The following RNF215 variants were observed in gnomAD, a reference collection of about 807,000 sequenced individuals.
The protein encoded by RNF215 is ring finger protein 215.
RNF215 carries 41 observed loss-of-function variants against 44.8 expected under a neutral mutation model. That is an observed-to-expected ratio of 0.92 (90% CI 0.71 to 1.19). The LOEUF is 1.19. RNF215 is among the 50% of genes most tolerant of loss of function. The probability of loss-of-function intolerance (pLI) is 0.00; values close to 1 mark genes in which losing one functional copy is unlikely to be tolerated. For missense variants in RNF215, 452 were observed against 496.2 expected, an observed-to-expected ratio of 0.91 and a Z score of 0.85; for synonymous variants, 218 against 230.1, an observed-to-expected ratio of 0.95 and a Z score of 0.48.
At chr22:30,386,179 C>G in intron 2 of RNF215, 38 bp from the exon 3 acceptor site, 5 of 1,543,416 alleles carry the variant, frequency 3.2e-6, no homozygotes, top group Non-Finnish European at 4.4e-6. Context: ...AGCATATACC[C>G]TGCCTGCACA....
At position 30,387,231 on chromosome 22, in the gene RNF215, G is replaced by GGCAGCA. The variant is rs770328641; in HGVS notation, c.77_82dup (p.Leu26_Leu27dup). 1.0e-6 allele frequency: 1 copy of GGCAGCA among 997,100 alleles called. No homozygotes were observed. The highest frequency in any genetic ancestry group is 5.6e-5 in the Admixed American group (1 of 17,980). The allele number at this position is 997,100 out of a possible 1,614,324, so 61.8% of individuals were successfully genotyped here. A position where few individuals can be genotyped will look rare whatever the true frequency, so the allele number is the denominator to read the frequency against. ...CAGGCCCAGCCACAGCGGCAGCAGG[G>GGCAGCA]GCAGCAGCAGCAGCAGCGGAGACGG... On this transcript the variant is annotated inframe_insertion, in exon 1 of 9. Coordinates refer to ENST00000382363, the MANE Select transcript of RNF215 (RefSeq NM_001017981.2).
chr22:30,385,163 T>C (rs1217162991), intron 4 of RNF215, among the ~76,000 whole-genome samples: 2 of 151,808 alleles, frequency 1.3e-5, no homozygotes, highest in Non-Finnish European at 2.9e-5. Context: ...GGCTCACACC[T>C]GTAATCCCAG....
rs199878611 is a variant in RNF215 at position 30,386,013 on chromosome 22, C to A, written c.502-24G>T. On this transcript the variant is annotated intron_variant, in intron 3 of 8. Transcript: ENST00000382363. ...AGCTGCAGGGAGACAAGGAGGTCAG[C>A]AGGCCTGGGTCCCCCTTTCCCCAGC... The A allele has an allele frequency of 1.3e-4, 216 of 1,614,002 alleles. 1 individual carries two copies. Among genetic ancestry groups the A allele is most frequent in the South Asian group, 1.1e-4 (10 of 91,076 alleles).
Position 30,384,465 on chromosome 22 carries a change from G to A in RNF215, c.618C>T (p.Ser206=), listed in dbSNP as rs1455062720. Residue 206 remains serine, a synonymous_variant, in exon 5 of 9, where the codon AGC becomes AGT. Coordinates refer to ENST00000382363, the MANE Select transcript of RNF215 (RefSeq NM_001017981.2). ...CGATATTGGCAGACAGGGACTCTCC[G>A]CTGGTGATCTCAGCCGTGGCCTGGG... ...QRTQATAEIT[S]GESLSANIEW... is the part of the protein sequence containing the mutation. The A allele has an allele frequency of 9.9e-6, 16 of 1,613,838 alleles. No individual in the cohort carries two copies. In the East Asian group the frequency reaches 2.0e-4, roughly 20 times the overall value.
At position 30,379,499 on chromosome 22, in the gene RNF215, C is replaced by T; in HGVS notation, c.*101G>A. 1 of 1,432,424 alleles carries T rather than the reference C, an allele frequency of 7.0e-7. No individual in the cohort carries two copies. The allele number at this position is 1,432,424 out of a possible 1,614,324, so 88.7% of individuals were successfully genotyped here. A position where few individuals can be genotyped will look rare whatever the true frequency, so the allele number is the denominator to read the frequency against. ...CCACCCACTGGGCTTGCTGTCCTGT[C>T]TATCCTGCTGTCCCATCCTGTCCTG... On this transcript the variant is annotated 3_prime_UTR_variant, in exon 9 of 9. Transcript: ENST00000382363.
chr22:30,387,290 C>A lies in RNF215; in HGVS notation c.24G>T (p.Ala8=), dbSNP rs1933617734. 4 of 1,069,092 alleles carry A rather than the reference C, an allele frequency of 3.7e-6. No homozygotes were observed. The South Asian group carries it at 1.3e-4, about 35-fold the overall frequency. The allele number at this position is 1,069,092 out of a possible 1,614,324, so 66.2% of individuals were successfully genotyped here. A position where few individuals can be genotyped will look rare whatever the true frequency, so the allele number is the denominator to read the frequency against. MGPAARP[A]LRSPPPPPPP... ...GCGGAGGCGGCGGCGGCGATCTCAG[C>A]GCGGGGCGAGCGGCGGGGCCCATGG... The change falls in exon 1 of 9, where the codon GCG becomes GCT. Residue 8 remains alanine (A), a synonymous_variant. Coordinates refer to ENST00000382363, the MANE Select transcript of RNF215 (RefSeq NM_001017981.2).
chr22:30,380,163 G>C lies in RNF215; in HGVS notation c.907C>G (p.Leu303Val). ...CTCAGCCGGCAGCGCCGTGTCTTGAGGGATGCCAGTCTCCGCACCACGCGG... is the reference window on the plus strand; with the variant it reads ...CTCAGCCGGCAGCGCCGTGTCTTGACGGATGCCAGTCTCCGCACCACGCGG... ...KRRVVRRLAS[L>V]KTRRCRLSRA... Residue 303 changes from leucine (L) to valine (V), a missense_variant, in exon 7 of 9, where the codon CTC becomes GTC. Transcript: ENST00000382363. This position sits in a 1 kb window ranked among gnomAD's most constrained non-coding sequence, Gnocchi z 5.3. The C allele has an allele frequency of 6.2e-7, 1 of 1,613,932 alleles. No homozygotes were observed. The highest frequency in any genetic ancestry group is 8.5e-7 in the Non-Finnish European group (1 of 1,179,990).
chr22:30,382,336 G>A (rs1037136219), intron 5 of RNF215, among the ~76,000 whole-genome samples: 5 of 151,652 alleles, frequency 3.3e-5, no homozygotes, highest in Admixed American at 6.6e-5. Context: ...CCTGGGAGGC[G>A]GAGGCTGTGG....
intron 5 of RNF215, among the ~76,000 whole-genome samples, chr22:30,383,648 G>A (rs1223850057): frequency 2.0e-5 from 3 of 152,180 alleles, no homozygotes; most frequent in African/African-American, 4.8e-5. Flanking sequence ...GAATACCCTT[G>A]AATGCCCTGA....
intron 5 of RNF215, among the ~76,000 whole-genome samples, chr22:30,382,450 CT>C (rs1302771618): frequency 6.6e-6 from 1 of 151,984 alleles, no homozygotes; most frequent in African/African-American, 2.4e-5. Context: ...CTTGAATGCC[CT>C]TGATGCCAAG....
At chr22:30,382,512 G>A (rs1933543592) in intron 5 of RNF215, among the ~76,000 whole-genome samples, 1 of 152,156 alleles carries the variant, frequency 6.6e-6, no homozygotes, top group Admixed American at 6.5e-5. Flanking sequence ...TGGCTGTCAG[G>A]AGACAAAGTG....
At chr22:30,384,984 G>C (rs1009989555) in intron 4 of RNF215, 1 of 156,178 alleles carries the variant, frequency 6.4e-6, no homozygotes, top group Non-Finnish European at 1.4e-5. Context: ...GCTAATTTTT[G>C]TATTTTTTTG....
chr22:30,384,694 TC>T, intron 4 of RNF215, 199 bp from the exon 5 acceptor site: 1 of 526,132 alleles, frequency 1.9e-6, no homozygotes, highest in Non-Finnish European at 3.4e-6. Context: ...AAGTCCATCT[TC>T]CTCCTTGCTG....
Position 30,386,096 on chromosome 22 carries a change from T to G in RNF215, c.475A>C (p.Ile159Leu), listed in dbSNP as rs776930689. The change falls in exon 3 of 9, where the codon ATC becomes CTC. Residue 159 changes from isoleucine to leucine, a missense_variant. Transcript: ENST00000382363. ...FLGASALLLL[I>L]LNHNVVRELD... ...TCTCGGACCACGTTGTGGTTCAGGA[T>G]GAGAAGAAGCAGGGCAGAGGCACCC... 2 of 1,609,538 alleles carry G rather than the reference T, an allele frequency of 1.2e-6. No homozygotes were observed. Among genetic ancestry groups the G allele is most frequent in the Non-Finnish European group, 1.7e-6 (2 of 1,178,152 alleles).
At position 30,380,374 on chromosome 22, in the gene RNF215, T is replaced by G. The variant is rs760995860; in HGVS notation, c.772A>C (p.Ile258Leu). The stretch of plus-strand genomic sequence containing the variant: ...CACAGGAGCATGGCCACCAGCAGGA[T>G]GGCGTTCCACAGCTGCTGCAGGGGT... ...QKPLQQLWNA[I>L]LLVAMLLCTG... The change falls in exon 6 of 9, where the codon ATC becomes CTC. Residue 258 changes from isoleucine to leucine, a missense_variant. Physicochemically the swap from Ile to Leu is conservative, Grantham distance 5 (BLOSUM62 2). Coordinates refer to ENST00000382363, the MANE Select transcript of RNF215 (RefSeq NM_001017981.2). This position sits in a 1 kb window ranked among gnomAD's most constrained non-coding sequence, Gnocchi z 5.3. The G allele has an allele frequency of 6.2e-7, 1 of 1,609,162 alleles. No individual in the cohort carries two copies. The highest frequency in any genetic ancestry group is 1.1e-5 in the South Asian group (1 of 90,880).
chr22:30,379,251 G>C lies in RNF215; in HGVS notation c.*349C>G, dbSNP rs1405149770. 3.2e-6 allele frequency: 1 copy of C among 314,182 alleles called. No individual in the cohort carries two copies. Among genetic ancestry groups the C allele is most frequent in the Non-Finnish European group, 6.1e-6 (1 of 165,288 alleles). The allele number at this position is 314,182 out of a possible 1,614,324, so 19.5% of individuals were successfully genotyped here. A position where few individuals can be genotyped will look rare whatever the true frequency, so the allele number is the denominator to read the frequency against. On this transcript the variant is annotated 3_prime_UTR_variant, in exon 9 of 9. Coordinates refer to ENST00000382363, the MANE Select transcript of RNF215 (RefSeq NM_001017981.2). ...CAGGAATTCCCAGACAGGCCACAGG[G>C]AGCTCCCAGAACCCTGGCGACAGCT...
intron 4 of RNF215, among the ~76,000 whole-genome samples, chr22:30,385,445 A>G (rs1452072778): frequency 6.9e-6 from 1 of 145,428 alleles, no homozygotes; most frequent in Non-Finnish European, 1.5e-5. Flanking sequence ...AAAAAAAGTT[A>G]ACAGTTAGGC....
chr22:30,382,665 C>T (rs9620975), intron 5 of RNF215, among the ~76,000 whole-genome samples: 8,289 of 152,128 alleles, frequency 0.054, 742 homozygotes, highest in African/African-American at 0.19. Flanking sequence ...CCGCTGCAGG[C>T]CAAAGACCCA....
Position 30,380,303 on chromosome 22 carries a change from G to T in RNF215, c.843C>A (p.Ser281Arg). ...CCACCTGGCCTCCGAGCTCCCGCTG[G>T]CTCTGCCGCGACGCCTGCCGCTGGG... is the stretch of plus-strand genomic sequence containing the variant. ...VQAQRQASRQ[S>R]QRELGGQVDL... Residue 281 changes from serine to arginine, a missense_variant, in exon 6 of 9, where the codon AGC becomes AGA. Physicochemically the swap from Ser to Arg is moderately radical, Grantham distance 110. Transcript: ENST00000382363. This position sits in a 1 kb window ranked among gnomAD's most constrained non-coding sequence, Gnocchi z 5.3. 6.2e-7 allele frequency: 1 copy of T among 1,611,020 alleles called. No individual in the cohort carries two copies. Among genetic ancestry groups the T allele is most frequent in the Non-Finnish European group, 8.5e-7 (1 of 1,178,578 alleles).
Sources: allele counts gnomAD v4.1 joint callset (sites outside exome capture counted in the v4.1 genomes callset), GRCh38; gene constraint gnomAD v4.1.1; non-coding constraint Gnocchi (gnomAD v3.1); transcripts MANE v1.5; gene names NCBI Gene and HGNC (gene_info 2026-07-23, HGNC 2026-07-21).